The following SS18 variants were observed in gnomAD, a reference collection of about 807,000 sequenced individuals.
SS18 encodes SS18 subunit of BAF chromatin remodeling complex, also known as protein SSXT.
SS18 carries 28 observed loss-of-function variants against 72.5 expected under a neutral mutation model. The observed-to-expected ratio is 0.39, with a 90% CI of 0.29 to 0.53. SS18 has a LOEUF of 0.53. SS18 is among the 20% of genes least tolerant of loss of function. The pLI, the probability that SS18 is intolerant of heterozygous loss-of-function variation, is 0.76. For missense variants in SS18, 518 were observed against 535.3 expected (o/e 0.97, Z 0.32); for synonymous variants, 172 against 164.2 (o/e 1.05, Z -0.37).
At chr18:26,067,685 A>G (rs752878453) in intron 3 of SS18, among the ~76,000 whole-genome samples, 3 of 152,186 alleles carry the variant, frequency 2.0e-5, no homozygotes, top group Non-Finnish European at 4.4e-5. Flanking sequence ...GCAGCATTTA[A>G]TGGGCGTGGT....
At chr18:26,080,680 A>G (rs1408121468) in intron 2 of SS18, among the ~76,000 whole-genome samples, 1 of 152,212 alleles carries the variant, frequency 6.6e-6, no homozygotes, top group Non-Finnish European at 1.5e-5. Flanking sequence ...ATAATTTTAA[A>G]CTTACAGAAA....
chr18:26,039,130 C>T (rs1050555962), intron 6 of SS18, among the ~76,000 whole-genome samples, 159 bp downstream of exon 6: 7 of 134,010 alleles, frequency 5.2e-5, no homozygotes, highest in Admixed American at 2.5e-4. Context: ...CTATCTTCTT[C>T]GTGACCCCTT....
chr18:26,066,150 T>C, intron 3 of SS18, among the ~76,000 whole-genome samples: 1 of 152,062 alleles, frequency 6.6e-6, no homozygotes, highest in Admixed American at 6.6e-5. Flanking sequence ...GTGTAATGAT[T>C]TAAGGTATGT....
At chr18:26,024,654 T>A (rs1363624770) in intron 10 of SS18, among the ~76,000 whole-genome samples, 1 of 152,198 alleles carries the variant, frequency 6.6e-6, no homozygotes, top group African/African-American at 2.4e-5. Flanking sequence ...CTGAATGGTA[T>A]ACTTTAGAAT....
At chr18:26,089,933 G>C (rs934587117) in intron 1 of SS18, 1 of 152,770 alleles carries the variant, frequency 6.5e-6, no homozygotes, top group Admixed American at 6.5e-5. Context: ...CAACCCCAGA[G>C]TCCATGGGGA....
intron 3 of SS18, chr18:26,064,728 T>C (rs1225063088): frequency 2.0e-5 from 3 of 151,446 alleles, no homozygotes; most frequent in African/African-American, 7.3e-5. Flanking sequence ...TTCAACAAAA[T>C]AAATAAACCA....
intron 2 of SS18, among the ~76,000 whole-genome samples, chr18:26,081,559 A>G (rs540674210): frequency 3.3e-5 from 5 of 152,292 alleles, no homozygotes; most frequent in South Asian, 4.1e-4. Context: ...GTAAATACTC[A>G]TATTATTTTA....
Position 26,057,710 on chromosome 18 carries a change from T to G in SS18, c.264A>C (p.Gly88=), listed in dbSNP as rs1334333643. The G allele has an allele frequency of 6.2e-7, 1 of 1,613,870 alleles. No homozygotes were observed. Reference sequence around the variant, plus strand: ...GGGGAGGGCCGCTCTGATTCATCCCTCCAGGACCCATAGGCATATTCTGTG... The same window carrying G: ...GGGGAGGGCCGCTCTGATTCATCCCGCCAGGACCCATAGGCATATTCTGTG... The part of the protein sequence containing the change: ...PPTQNMPMGP[G]GMNQSGPPPP... Residue 88 remains glycine, a synonymous_variant, in exon 4 of 11, where the codon GGA becomes GGC. Coordinates refer to ENST00000415083, the MANE Select transcript of SS18 (RefSeq NM_001007559.3).
rs1441793322 is a variant in SS18, at chr18:26,017,546, A to G, written c.*808T>C. Reference sequence around the variant, plus strand: ...GAGGATTACCACTTTCATTTAGATGAAACTGTTTTACCAAAGCCTCCTCAG... The same window carrying G: ...GAGGATTACCACTTTCATTTAGATGGAACTGTTTTACCAAAGCCTCCTCAG... On this transcript the variant is annotated 3_prime_UTR_variant, in exon 11 of 11. Transcript: ENST00000415083. 1 of 200,650 alleles carries G rather than the reference A, an allele frequency of 5.0e-6. No individual in the cohort carries two copies. Among genetic ancestry groups the G allele is most frequent in the African/African-American group, 2.3e-5 (1 of 43,618 alleles). 12.4% of individuals were successfully genotyped at this position (200,650 alleles called of 1,614,324 possible).
intron 10 of SS18, among the ~76,000 whole-genome samples, chr18:26,022,651 T>C (rs1482540105): frequency 6.6e-6 from 1 of 152,074 alleles, no homozygotes; most frequent in Non-Finnish European, 1.5e-5. Flanking sequence ...GAGATAAGGC[T>C]TAGAGTCTGG....
At chr18:26,044,199 T>A (rs889717234) in intron 5 of SS18, among the ~76,000 whole-genome samples, 1 of 152,196 alleles carries the variant, frequency 6.6e-6, no homozygotes, top group Non-Finnish European at 1.5e-5. Context: ...TATGTAATTA[T>A]AAGTAGTACT....
chr18:26,062,004 T>TA (rs1176527951), intron 3 of SS18, among the ~76,000 whole-genome samples: 4 of 152,178 alleles, frequency 2.6e-5, no homozygotes, highest in Admixed American at 2.0e-4. Flanking sequence ...GTCATGCCTG[T>TA]AATCCTAGCA....
In SS18 at chr18:26,017,840, T is replaced by TA. The variant is rs1321163710; in HGVS notation, c.*513dup. On this transcript the variant is annotated 3_prime_UTR_variant, in exon 11 of 11. Transcript: ENST00000415083. ...TTTGAGACCAAAACAATCAAGCATC[T>TA]ACCATGTTCCAGTCCACATTAACAG... 2.2e-5 allele frequency: 5 copies of TA among 228,408 alleles called. No homozygotes were observed. Among genetic ancestry groups the TA allele is most frequent in the Non-Finnish European group, 4.3e-5 (5 of 115,098 alleles). The allele number at this position is 228,408 out of a possible 1,614,324, so 14.1% of individuals were successfully genotyped here. A position where few individuals can be genotyped will look rare whatever the true frequency, so the allele number is the denominator to read the frequency against.
chr18:26,057,926 A>G (rs2054052593), intron 3 of SS18, among the ~76,000 whole-genome samples, 184 bp from the exon 4 acceptor site: 1 of 152,240 alleles, frequency 6.6e-6, no homozygotes, highest in African/African-American at 2.4e-5. Flanking sequence ...AAGCATATTT[A>G]CTTTATAAAA....
At chr18:26,088,457 T>C (rs2054655003) in intron 1 of SS18, among the ~76,000 whole-genome samples, 1 of 152,238 alleles carries the variant, frequency 6.6e-6, no homozygotes. Flanking sequence ...TCTATGCATG[T>C]ATATTTGTTA....
intron 9 of SS18, 36 bp from the exon 10 acceptor site, chr18:26,032,568 A>G: frequency 6.2e-7 from 1 of 1,609,314 alleles, no homozygotes; most frequent in Non-Finnish European, 8.5e-7. Flanking sequence ...CCCACATAAA[A>G]AGGTAAGTCC....
intron 7 of SS18, among the ~76,000 whole-genome samples, chr18:26,036,847 G>T (rs748897678): frequency 2.0e-5 from 3 of 152,070 alleles, no homozygotes; most frequent in Non-Finnish European, 2.9e-5. Flanking sequence ...ATGGCCAGTG[G>T]CAAGTTTTTG....
intron 5 of SS18, 94 bp downstream of exon 5, chr18:26,052,530 T>C (rs2053939509): frequency 9.7e-7 from 1 of 1,026,250 alleles, no homozygotes; most frequent in East Asian, 2.4e-5. Context: ...TAAACTTTTA[T>C]TTTTATGAAC....
chr18:26,027,473 CCT>C (rs1167022483), intron 10 of SS18, among the ~76,000 whole-genome samples: 3 of 151,588 alleles, frequency 2.0e-5, no homozygotes, highest in Non-Finnish European at 2.9e-5. Flanking sequence ...AAGGTGAAAC[CCT>C]GTCTCAACTA....
Sources: allele counts gnomAD v4.1 joint callset (sites outside exome capture counted in the v4.1 genomes callset), GRCh38; gene constraint gnomAD v4.1.1; transcripts MANE v1.5; gene names NCBI Gene and HGNC (gene_info 2026-07-23, HGNC 2026-07-21).